Variants in RFTN1 observed in about 807,000 individuals in gnomAD.
The protein encoded by RFTN1 is raftlin, lipid raft linker 1, also known as raftlin.
In RFTN1, 26 loss-of-function variants were observed where a neutral mutation model predicts 46.5. That is an observed-to-expected ratio of 0.56 (90% CI 0.41 to 0.78). RFTN1 has a LOEUF of 0.78. Among genes scored for constraint, RFTN1 ranks in the 30% least tolerant of loss-of-function variants. The probability of loss-of-function intolerance (pLI) is 0.00; values close to 1 mark genes in which losing one functional copy is unlikely to be tolerated. For synonymous variants in RFTN1, 261 were observed against 284.2 expected (o/e 0.92, Z 0.82); for missense variants, 693 against 718.7 (o/e 0.96, Z 0.41).
At chr3:16,467,727 G>T (rs1467212884) in intron 2 of RFTN1, among the ~76,000 whole-genome samples, 1 of 152,164 alleles carries the variant, frequency 6.6e-6, no homozygotes, top group Non-Finnish European at 1.5e-5. Context: ...AAGCTTCAGG[G>T]GCATGCAAGT....
At chr3:16,455,455 T>C (rs1224789444) in intron 2 of RFTN1, among the ~76,000 whole-genome samples, 2 of 152,108 alleles carry the variant, frequency 1.3e-5, no homozygotes, top group African/African-American at 4.8e-5. Context: ...ATGACAAGCA[T>C]GCAAATTAAC....
rs1339389241 is a variant in RFTN1, at chr3:16,407,039, C to T, written c.441+2336G>A. On this transcript the variant is annotated intron_variant, in intron 4 of 9. Transcript: ENST00000334133. The surrounding 1 kb of genome is among the most constrained non-coding windows in gnomAD (Gnocchi z 4.0). ...TTTCCCACTGGACAGATGGACATCT[C>T]CACTTGGGTACTACAGAAACAACAC... is the stretch of plus-strand genomic sequence containing the variant. Among the ~76,000 whole-genome samples, 1 of 152,168 alleles carries T rather than the reference C, an allele frequency of 6.6e-6. No individual in the cohort carries two copies. The highest frequency in any genetic ancestry group is 2.4e-5 in the African/African-American group (1 of 41,434).
At chr3:16,490,940 A>G (rs533281092) in intron 2 of RFTN1, among the ~76,000 whole-genome samples, 2 of 152,330 alleles carry the variant, frequency 1.3e-5, no homozygotes, top group South Asian at 2.1e-4. Context: ...CTGATTATCT[A>G]TTTAAGTGCC....
chr3:16,359,687 T>C (rs1279672049), intron 6 of RFTN1, among the ~76,000 whole-genome samples: 1 of 152,222 alleles, frequency 6.6e-6, no homozygotes, highest in Non-Finnish European at 1.5e-5. Flanking sequence ...TAAGTGTCTG[T>C]TGTTTAAGCC....
At position 16,435,917 on chromosome 3, in the gene RFTN1, AATATATATAT is replaced by A. The variant is rs10575645; in HGVS notation, c.146-1890_146-1881del. ...AAATAAATAAAAAATCAGAGATGTA[AATATATATAT>A]ATATATATATATATATATCACACAC... On this transcript the variant is annotated intron_variant, in intron 2 of 9. Transcript: ENST00000334133. 1.6e-3 allele frequency among the ~76,000 whole-genome samples: 221 copies of A among 142,366 alleles called. 8 individuals carry two copies. Among genetic ancestry groups the A allele is most frequent in the African/African-American group, 5.5e-3 (206 of 37,792 alleles). 93.4% of individuals were successfully genotyped at this position (142,366 alleles called of 152,430 possible). A position where few individuals can be genotyped will look rare whatever the true frequency, so the allele number is the denominator to read the frequency against.
intron 2 of RFTN1, among the ~76,000 whole-genome samples, chr3:16,464,736 TA>T (rs2076061908): frequency 6.6e-6 from 1 of 152,252 alleles, no homozygotes; most frequent in South Asian, 2.1e-4. Context: ...AAAATGTGCA[TA>T]TTGTCTATGG....
At chr3:16,439,154 G>T (rs754270190) in intron 2 of RFTN1, among the ~76,000 whole-genome samples, 2 of 151,994 alleles carry the variant, frequency 1.3e-5, no homozygotes, top group Admixed American at 6.6e-5. Context: ...ATAAAAAAAG[G>T]CTCCTATTAT....
rs2125516854 is a variant in RFTN1 at position 16,443,691 on chromosome 3, A to C, written c.146-9654T>G. On this transcript the variant is annotated intron_variant, in intron 2 of 9. Transcript: ENST00000334133. The surrounding 1 kb of genome is among the most constrained non-coding windows in gnomAD (Gnocchi z 5.5). ...TGACAATGGGAGCGGGGAAGAGTTA[A>C]GTTGTTATTGGTTTGCTCGTCATTT... Among the ~76,000 whole-genome samples, 1 of 151,998 alleles carries C rather than the reference A, an allele frequency of 6.6e-6. No homozygotes were observed. The highest frequency in any genetic ancestry group is 1.9e-4 in the East Asian group (1 of 5,176).
Position 16,426,446 on chromosome 3 carries a change from T to C in RFTN1, c.332+7405A>G, listed in dbSNP as rs963563550. On this transcript the variant is annotated intron_variant, in intron 3 of 9. Coordinates refer to ENST00000334133, the MANE Select transcript of RFTN1 (RefSeq NM_015150.2). This position sits in a 1 kb window ranked among gnomAD's most constrained non-coding sequence, Gnocchi z 5.9. ...CAGTATAATTTTGTACTTTCCCAAT[T>C]TTGCCCTTTTCAAATGCCAAAGAAA... is the stretch of plus-strand genomic sequence containing the variant. Among the ~76,000 whole-genome samples the C allele has an allele frequency of 6.6e-6, 1 of 152,172 alleles. No individual in the cohort carries two copies. Among genetic ancestry groups the C allele is most frequent in the Non-Finnish European group, 1.5e-5 (1 of 68,026 alleles).
At chr3:16,409,559 C>G in intron 3 of RFTN1, 76 bp from the exon 4 acceptor site, 2 of 1,059,460 alleles carry the variant, frequency 1.9e-6, no homozygotes, top group Admixed American at 1.8e-5. Context: ...CTCTTGTCAC[C>G]CAGGCTGGAG....
rs1203333269 is a variant in RFTN1 at position 16,322,667 on chromosome 3, A to T, written c.1332+709T>A. Among the ~76,000 whole-genome samples, 2 of 152,178 alleles carry T rather than the reference A, an allele frequency of 1.3e-5. No individual in the cohort carries two copies. Among genetic ancestry groups the T allele is most frequent in the Non-Finnish European group, 2.9e-5 (2 of 68,030 alleles). On this transcript the variant is annotated intron_variant, in intron 9 of 9. Transcript: ENST00000334133. The surrounding 1 kb of genome is among the most constrained non-coding windows in gnomAD (Gnocchi z 6.2). The stretch of plus-strand genomic sequence containing the variant: ...GTGGGAAGCATCAGAATCATCTGGC[A>T]CAAGGGTTGCCGACACTTGCACCTC...
At chr3:16,389,434 T>C (rs960436038) in intron 4 of RFTN1, among the ~76,000 whole-genome samples, 1 of 152,018 alleles carries the variant, frequency 6.6e-6, no homozygotes, top group Non-Finnish European at 1.5e-5. Flanking sequence ...TTTAAGAGAG[T>C]TTCAGAGCAC....
intron 4 of RFTN1, among the ~76,000 whole-genome samples, chr3:16,399,796 A>G (rs1383684604): frequency 6.6e-6 from 1 of 152,062 alleles, no homozygotes; most frequent in Non-Finnish European, 1.5e-5. Flanking sequence ...GGGCCCATTA[A>G]TCCAACTGCA....
rs2074085573 is a variant in RFTN1 at position 16,384,116 on chromosome 3, A to G, written c.442-6014T>C. Among the ~76,000 whole-genome samples, 2 of 152,228 alleles carry G rather than the reference A, an allele frequency of 1.3e-5. No individual in the cohort carries two copies. Among genetic ancestry groups the G allele is most frequent in the Non-Finnish European group, 2.9e-5 (2 of 68,032 alleles). Reference sequence around the variant, plus strand: ...AAGACTGAGATTTCCCAAAGGAAAAAGAATTCTGCCTCTGGACTGCAACAC... The same window carrying G: ...AAGACTGAGATTTCCCAAAGGAAAAGGAATTCTGCCTCTGGACTGCAACAC... On this transcript the variant is annotated intron_variant, in intron 4 of 9. Transcript: ENST00000334133. This position sits in a 1 kb window ranked among gnomAD's most constrained non-coding sequence, Gnocchi z 4.7.
chr3:16,395,166 T>C (rs777664018), intron 4 of RFTN1, among the ~76,000 whole-genome samples: 15 of 152,274 alleles, frequency 9.9e-5, no homozygotes, highest in Non-Finnish European at 1.0e-4. Flanking sequence ...AAATGTTATA[T>C]GCCAAAGTTG....
At chr3:16,486,872 G>A (rs2076455340) in intron 2 of RFTN1, among the ~76,000 whole-genome samples, 1 of 152,232 alleles carries the variant, frequency 6.6e-6, no homozygotes, top group Non-Finnish European at 1.5e-5. Context: ...CATGTCATAA[G>A]GATGGGGCAC....
At position 16,425,716 on chromosome 3, in the gene RFTN1, AT is replaced by A. The variant is rs572389195; in HGVS notation, c.332+8134del. On this transcript the variant is annotated intron_variant, in intron 3 of 9. Coordinates refer to ENST00000334133, the MANE Select transcript of RFTN1 (RefSeq NM_015150.2). This position sits in a 1 kb window ranked among gnomAD's most constrained non-coding sequence, Gnocchi z 4.3. ...AGGTGGCTTTACGCTGGCATATGAG[AT>A]TGAAAAGTGCAAACAAATAATTAAC... Among the ~76,000 whole-genome samples, 52 of 152,246 alleles carry A rather than the reference AT, an allele frequency of 3.4e-4. No homozygotes were observed. Among genetic ancestry groups the A allele is most frequent in the African/African-American group, 1.2e-3 (51 of 41,548 alleles).
intron 8 of RFTN1, among the ~76,000 whole-genome samples, chr3:16,324,172 A>G (rs562557025): frequency 6.6e-6 from 1 of 152,260 alleles, no homozygotes; most frequent in Non-Finnish European, 1.5e-5. Context: ...ACAAATAATA[A>G]TTGTATATTT....
In RFTN1 at chr3:16,384,845, GA is replaced by G. The variant is rs1248416830; in HGVS notation, c.442-6744del. On this transcript the variant is annotated intron_variant, in intron 4 of 9. Transcript: ENST00000334133. The surrounding 1 kb of genome is among the most constrained non-coding windows in gnomAD (Gnocchi z 4.7). Reference sequence around the variant, plus strand: ...CCACCAGCCACTTGTGGCTAGTGATGACCCCATGGACAGTGCAGGTGTAGAA... The same window carrying G: ...CCACCAGCCACTTGTGGCTAGTGATGCCCCATGGACAGTGCAGGTGTAGAA... 1.3e-5 allele frequency among the ~76,000 whole-genome samples: 2 copies of G among 152,278 alleles called. No individual in the cohort carries two copies. The highest frequency in any genetic ancestry group is 4.8e-5 in the African/African-American group (2 of 41,558).
Sources: gnomAD v4.1 joint callset for allele counts (sites outside exome capture counted in the v4.1 genomes callset) on GRCh38, gnomAD v4.1.1 for gene constraint, Gnocchi (gnomAD v3.1) non-coding constraint, MANE v1.5 for transcripts, NCBI Gene and HGNC (gene_info 2026-07-23, HGNC 2026-07-21) for gene names.